The following NIM1K variants were observed in gnomAD, a reference collection of about 807,000 sequenced individuals.
The protein encoded by NIM1K is serine/threonine-protein kinase NIM1.
NIM1K carries 35 observed loss-of-function variants against 37.1 expected under a neutral mutation model. The ratio of observed to expected loss-of-function variants is 0.94; its 90% CI spans 0.72 to 1.25. The LOEUF (loss-of-function observed/expected upper bound fraction) is 1.25, where lower values mean the gene tolerates loss of function less well. Ranked by LOEUF, NIM1K falls within the 50% of genes most tolerant of loss-of-function variation. The probability of loss-of-function intolerance (pLI) is 0.00; values close to 1 mark genes in which losing one functional copy is unlikely to be tolerated. For synonymous variants in NIM1K, 234 were observed against 206.6 expected (o/e 1.13, Z -1.14); for missense variants, 564 against 548.0 (o/e 1.03, Z -0.29).
Position 43,280,201 on chromosome 5 carries a change from G to A in NIM1K, c.783G>A (p.Leu261=). Residue 261 remains leucine, a synonymous_variant, in exon 4 of 4, where the codon TTG becomes TTA. Coordinates refer to ENST00000326035, the MANE Select transcript of NIM1K (RefSeq NM_153361.4). ...ATATCTGGGCCTTGGGGGTGCTTTT[G>A]TACTTCATGGTGACTGGCACCATGC... ...YVDIWALGVL[L]YFMVTGTMPF... 6.2e-7 allele frequency: 1 copy of A among 1,614,164 alleles called. No homozygotes were observed. Among genetic ancestry groups the A allele is most frequent in the Non-Finnish European group, 8.5e-7 (1 of 1,180,034 alleles).
chr5:43,221,605 G>T (rs1752382390), intron 1 of NIM1K, among the ~76,000 whole-genome samples: 1 of 152,236 alleles, frequency 6.6e-6, no homozygotes, highest in East Asian at 1.9e-4. Context: ...GGGCAGCTGT[G>T]TGATCAAAGA....
In NIM1K at chr5:43,280,224, T is replaced by G; in HGVS notation, c.806T>G (p.Met269Arg). ...TTGTACTTCATGGTGACTGGCACCATGCCATTTCGGGCAGAAACCGTGGCC... is the reference window on the plus strand; with the variant it reads ...TTGTACTTCATGGTGACTGGCACCAGGCCATTTCGGGCAGAAACCGTGGCC... ...VLLYFMVTGT[M>R]PFRAETVAKL... is the part of the protein sequence containing the mutation. Residue 269 changes from methionine to arginine, a missense_variant, in exon 4 of 4, where the codon ATG becomes AGG. Transcript: ENST00000326035. 1 of 1,614,152 alleles carries G rather than the reference T, an allele frequency of 6.2e-7. No individual in the cohort carries two copies. Among genetic ancestry groups the G allele is most frequent in the South Asian group, 1.1e-5 (1 of 91,078 alleles).
At chr5:43,256,925 A>G (rs561955210) in intron 2 of NIM1K, among the ~76,000 whole-genome samples, 95 of 152,088 alleles carry the variant, frequency 6.2e-4, no homozygotes, top group Non-Finnish European at 1.1e-3. Context: ...TCCCTCATAA[A>G]CTGCTTGCAC....
chr5:43,243,625 A>G (rs1215663537), intron 1 of NIM1K, among the ~76,000 whole-genome samples: 3 of 152,100 alleles, frequency 2.0e-5, no homozygotes, highest in Non-Finnish European at 4.4e-5. Context: ...AGAATCAGTG[A>G]CTTAGATTTT....
intron 1 of NIM1K, among the ~76,000 whole-genome samples, chr5:43,204,952 C>T (rs1390898227): frequency 1.2e-4 from 18 of 152,136 alleles, no homozygotes; most frequent in Admixed American, 1.1e-3. Context: ...GCTGTGATTG[C>T]ACCACTGAAC....
intron 1 of NIM1K, among the ~76,000 whole-genome samples, chr5:43,224,727 C>T (rs1171086589): frequency 2.1e-5 from 3 of 144,526 alleles, no homozygotes; most frequent in East Asian, 2.0e-4. Flanking sequence ...GACAGCTTCT[C>T]GCTCTGTCAC....
At chr5:43,259,708 G>A (rs1752999653) in intron 2 of NIM1K, among the ~76,000 whole-genome samples, 1 of 152,090 alleles carries the variant, frequency 6.6e-6, no homozygotes, top group East Asian at 1.9e-4. Flanking sequence ...TACATAGTTT[G>A]CAAATATTTT....
At chr5:43,263,258 A>G (rs576766448) in intron 2 of NIM1K, among the ~76,000 whole-genome samples, 74 of 152,270 alleles carry the variant, frequency 4.9e-4, no homozygotes, top group African/African-American at 1.6e-3. Flanking sequence ...TTTGGTTGGT[A>G]GGCTATTAAT....
chr5:43,266,443 G>C (rs896103726), intron 2 of NIM1K, among the ~76,000 whole-genome samples: 5 of 152,236 alleles, frequency 3.3e-5, no homozygotes, highest in South Asian at 2.1e-4. Flanking sequence ...TGATCTCCTG[G>C]TGTGCCATTT....
intron 1 of NIM1K, among the ~76,000 whole-genome samples, chr5:43,213,788 C>T (rs551369700): frequency 4.0e-5 from 6 of 149,592 alleles, no homozygotes; most frequent in Non-Finnish European, 5.9e-5. Flanking sequence ...GAGCCACTGC[C>T]CCGGCCAATT....
intron 2 of NIM1K, among the ~76,000 whole-genome samples, chr5:43,275,997 G>A (rs1195535019): frequency 6.6e-6 from 1 of 151,192 alleles, no homozygotes; most frequent in Non-Finnish European, 1.5e-5. Flanking sequence ...GCCTCCCTGG[G>A]TTCAAGTGAT....
intron 2 of NIM1K, among the ~76,000 whole-genome samples, chr5:43,273,635 C>T (rs1030776911): frequency 2.0e-5 from 3 of 152,194 alleles, no homozygotes. Context: ...CTGACCTTTT[C>T]CTACTACCAG....
chr5:43,218,092 A>T (rs1164259169), intron 1 of NIM1K, among the ~76,000 whole-genome samples: 1 of 151,254 alleles, frequency 6.6e-6, no homozygotes, highest in African/African-American at 2.4e-5. Flanking sequence ...GCTCACTGCA[A>T]CCTCATCTCC....
Position 43,245,488 on chromosome 5 carries a change from T to A in NIM1K, c.-288T>A. The A allele has an allele frequency of 3.3e-6, 1 of 302,796 alleles. No homozygotes were observed. Among genetic ancestry groups the A allele is most frequent in the Non-Finnish European group, 6.1e-6 (1 of 164,582 alleles). The allele number at this position is 302,796 out of a possible 1,614,324, so 18.8% of individuals were successfully genotyped here. A position where few individuals can be genotyped will look rare whatever the true frequency, so the allele number is the denominator to read the frequency against. The stretch of plus-strand genomic sequence containing the variant: ...GAGTCCCATCAGGCCAGTGGGTATG[T>A]AACATGTGCCTAATTGTACAGCTAG... On this transcript the variant is annotated 5_prime_UTR_variant, in exon 2 of 4. The change creates a premature stop within an existing upstream ORF in the 5' untranslated region. Transcript: ENST00000326035.
intron 2 of NIM1K, among the ~76,000 whole-genome samples, chr5:43,261,123 C>A (rs1384110058): frequency 6.6e-6 from 1 of 152,128 alleles, no homozygotes; most frequent in Non-Finnish European, 1.5e-5. Flanking sequence ...TGGGTATATA[C>A]CCAGTAATGG....
In NIM1K at chr5:43,263,262, TATTA is replaced by T. The variant is rs573562538; in HGVS notation, c.293-13790_293-13787del. Among the ~76,000 whole-genome samples the T allele has an allele frequency of 4.9e-3, 743 of 152,342 alleles. 1 individual carries two copies. Among genetic ancestry groups the T allele is most frequent in the Non-Finnish European group, 7.4e-3 (502 of 68,028 alleles). On this transcript the variant is annotated intron_variant, in intron 2 of 3. Coordinates refer to ENST00000326035, the MANE Select transcript of NIM1K (RefSeq NM_153361.4). Reference sequence around the variant, plus strand: ...TCTGAACTTTTTTTGGTTGGTAGGCTATTAATTATTGCCTCAATTTCAGAACCTG... The same window carrying T: ...TCTGAACTTTTTTTGGTTGGTAGGCTATTATTGCCTCAATTTCAGAACCTG...
At chr5:43,224,434 A>T (rs1254379423) in intron 1 of NIM1K, among the ~76,000 whole-genome samples, 2 of 149,648 alleles carry the variant, frequency 1.3e-5, no homozygotes, top group Non-Finnish European at 3.0e-5. Flanking sequence ...AGAGCAAAAA[A>T]CTCGTCTCAG....
At chr5:43,255,784 G>A (rs1054701280) in intron 2 of NIM1K, among the ~76,000 whole-genome samples, 1 of 70,270 alleles carries the variant, frequency 1.4e-5, no homozygotes, top group African/African-American at 4.2e-5. Context: ...GAAAGAGCAG[G>A]AGGGGAGATA....
At chr5:43,258,912 C>T (rs111550393) in intron 2 of NIM1K, among the ~76,000 whole-genome samples, 2 of 151,782 alleles carry the variant, frequency 1.3e-5, no homozygotes, top group African/African-American at 4.8e-5. Flanking sequence ...AGTTTTTAAT[C>T]CCTCACCCCC....
Sources: gnomAD v4.1 joint callset for allele counts (sites outside exome capture counted in the v4.1 genomes callset) on GRCh38, gnomAD v4.1.1 for gene constraint, MANE v1.5 for transcripts, NCBI Gene and HGNC (gene_info 2026-07-23, HGNC 2026-07-21) for gene names.